Variants in ECT2L observed in about 807,000 individuals in gnomAD.
ECT2L encodes epithelial cell transforming 2 like.
A neutral mutation model predicts 122.8 loss-of-function variants in ECT2L; 126 were observed. That is an observed-to-expected ratio of 1.03 (90% CI 0.89 to 1.19). The LOEUF (loss-of-function observed/expected upper bound fraction) is 1.19, where lower values mean the gene tolerates loss of function less well. Ranked by LOEUF, ECT2L falls within the 50% of genes most tolerant of loss-of-function variation. ECT2L has a pLI of 0.00. For synonymous variants in ECT2L, 385 were observed against 381.8 expected, an observed-to-expected ratio of 1.01 and a Z score of -0.10; for missense variants, 1,012 against 1,064.1, an observed-to-expected ratio of 0.95 and a Z score of 0.68.
intron 1 of ECT2L, among the ~76,000 whole-genome samples, chr6:138,800,413 C>T (rs1329952159): frequency 6.6e-6 from 1 of 152,202 alleles, no homozygotes; most frequent in East Asian, 1.9e-4. Context: ...TTGAGCCTCT[C>T]TTGGTATATA....
rs1778867310 is a variant in ECT2L at position 138,887,442 on chromosome 6, A to G, written c.2325+520A>G. On this transcript the variant is annotated intron_variant, in intron 19 of 21. Transcript: ENST00000541398. ...GGGGTTTCACCGTGTTAGCCAGGAT[A>G]GTCTCGATCTCCTGACCTTGTGATC... is the stretch of plus-strand genomic sequence containing the variant. Among the ~76,000 whole-genome samples, 5 of 151,812 alleles carry G rather than the reference A, an allele frequency of 3.3e-5. No homozygotes were observed. In the South Asian group the frequency reaches 6.2e-4, roughly 19 times the overall value.
intron 20 of ECT2L, among the ~76,000 whole-genome samples, chr6:138,895,573 A>AT (rs1779179845): frequency 6.8e-6 from 1 of 146,056 alleles, no homozygotes; most frequent in Non-Finnish European, 1.5e-5. Flanking sequence ...ATATATATAT[A>AT]TATTTTTCTT....
intron 4 of ECT2L, among the ~76,000 whole-genome samples, chr6:138,818,482 T>C (rs768705090): frequency 4.6e-5 from 7 of 152,174 alleles, no homozygotes; most frequent in Non-Finnish European, 7.3e-5. Context: ...ATTTTAAATA[T>C]AGAGCAGCCA....
chr6:138,875,896 A>G (rs1426925677), intron 13 of ECT2L, among the ~76,000 whole-genome samples: 9 of 152,242 alleles, frequency 5.9e-5, no homozygotes, highest in African/African-American at 2.2e-4. Context: ...CAAGGCGGGC[A>G]GATTACCTGA....
chr6:138,885,442 CA>C, intron 16 of ECT2L, 63 bp from the exon 17 acceptor site: 1 of 1,508,518 alleles, frequency 6.6e-7, no homozygotes, highest in Non-Finnish European at 9.2e-7. Flanking sequence ...CATGCTTGCT[CA>C]GTGGAACAGT....
At chr6:138,859,695 G>C (rs1461923861) in intron 10 of ECT2L, among the ~76,000 whole-genome samples, 1 of 151,812 alleles carries the variant, frequency 6.6e-6, no homozygotes, top group Non-Finnish European at 1.5e-5. Context: ...AAACTAGGTT[G>C]TTTGTTTTCT....
chr6:138,817,980 C>T lies in ECT2L; in HGVS notation c.179+3377C>T, dbSNP rs189913313. Reference sequence around the variant, plus strand: ...TTAAAGGAAACTGGGCTGCTTGTGTCTGTTACACTCAGAGAAACCCGTGAG... The same window carrying T: ...TTAAAGGAAACTGGGCTGCTTGTGTTTGTTACACTCAGAGAAACCCGTGAG... On this transcript the variant is annotated intron_variant, in intron 4 of 21. Transcript: ENST00000541398. Among the ~76,000 whole-genome samples, 4 of 152,278 alleles carry T rather than the reference C, an allele frequency of 2.6e-5. No individual in the cohort carries two copies. The East Asian group carries it at 7.7e-4, about 29-fold the overall frequency.
chr6:138,881,366 C>T (rs1037306221), intron 15 of ECT2L, among the ~76,000 whole-genome samples, 195 bp downstream of exon 15: 4 of 151,910 alleles, frequency 2.6e-5, no homozygotes, highest in South Asian at 2.1e-4. Flanking sequence ...CCCCTTCCCC[C>T]GTTCATAGCC....
chr6:138,893,119 T>G (rs939300231), intron 20 of ECT2L, among the ~76,000 whole-genome samples: 1 of 152,126 alleles, frequency 6.6e-6, no homozygotes, highest in Non-Finnish European at 1.5e-5. Flanking sequence ...ATGATCAATT[T>G]TGAGTCTGTT....
chr6:138,890,003 A>G (rs544739584), intron 20 of ECT2L, among the ~76,000 whole-genome samples: 1 of 152,344 alleles, frequency 6.6e-6, no homozygotes, highest in East Asian at 1.9e-4. Context: ...CTATTCATAA[A>G]CAGTACAAGA....
rs1252320733 is a variant in ECT2L at position 138,824,577 on chromosome 6, AAAACAAAAAAAACAC to A, written c.179+9978_179+9992del. On this transcript the variant is annotated intron_variant, in intron 4 of 21. Transcript: ENST00000541398. ...AAACTATAAAAAAAAACAAAAAACA[AAAACAAAAAAAACAC>A]AAAACAGTGCTTAGATTACACTGTA... 1.1e-4 allele frequency among the ~76,000 whole-genome samples: 9 copies of A among 80,702 alleles called. No homozygotes were observed. The East Asian group carries it at 2.3e-3, about 21-fold the overall frequency. The allele number at this position is 80,702 out of a possible 152,430, so 52.9% of individuals were successfully genotyped here. A position where few individuals can be genotyped will look rare whatever the true frequency, so the allele number is the denominator to read the frequency against.
intron 4 of ECT2L, among the ~76,000 whole-genome samples, chr6:138,824,788 C>T (rs951863794): frequency 6.6e-6 from 1 of 152,144 alleles, no homozygotes; most frequent in Non-Finnish European, 1.5e-5. Context: ...CTCTAAAACT[C>T]CACTATCATC....
intron 5 of ECT2L, among the ~76,000 whole-genome samples, chr6:138,842,515 T>G (rs528534952): frequency 5.3e-4 from 80 of 150,986 alleles, no homozygotes; most frequent in African/African-American, 1.8e-3. Context: ...TTCACACCTG[T>G]AATCCCAGCA....
intron 4 of ECT2L, among the ~76,000 whole-genome samples, chr6:138,820,678 A>C (rs1776239535): frequency 6.6e-6 from 1 of 152,224 alleles, no homozygotes; most frequent in Admixed American, 6.5e-5. Flanking sequence ...GCAGTGAAAC[A>C]GATTCCTTTT....
At position 138,849,399 on chromosome 6, in the gene ECT2L, G is replaced by A. The variant is rs753035495; in HGVS notation, c.1034G>A (p.Ser345Asn). 1.2e-6 allele frequency: 2 copies of A among 1,613,712 alleles called. No homozygotes were observed. Among genetic ancestry groups the A allele is most frequent in the Non-Finnish European group, 1.7e-6 (2 of 1,179,968 alleles). Residue 345 changes from serine to asparagine, a missense_variant, in exon 9 of 22, where the codon AGC becomes AAC. Ser to Asn is a conservative substitution (Grantham distance 46, BLOSUM62 1). Transcript: ENST00000541398. ...GQKAQSIGIFSDGDSREINLL... is the reference protein window; with the variant it reads ...GQKAQSIGIFNDGDSREINLL... The stretch of plus-strand genomic sequence containing the variant: ...AAGGCACAGAGCATCGGAATATTTA[G>A]CGATGGAGACAGCAGAGAAATCAAT...
chr6:138,799,746 T>G (rs963816322), intron 1 of ECT2L, among the ~76,000 whole-genome samples: 1 of 152,310 alleles, frequency 6.6e-6, no homozygotes, highest in East Asian at 1.9e-4. Context: ...AGATGGGGCT[T>G]TGCCATATTG....
chr6:138,843,011 C>A lies in ECT2L; in HGVS notation c.375C>A (p.Phe125Leu). The change falls in exon 6 of 22, where the codon TTC becomes TTA. Residue 125 changes from phenylalanine (F) to leucine (L), a missense_variant. By Grantham distance (22) the Phe-to-Leu change is conservative. Coordinates refer to ENST00000541398, the MANE Select transcript of ECT2L (RefSeq NM_001077706.3). ...DCLWMPKCVK[F>L]GWFLPYTPTD... The stretch of plus-strand genomic sequence containing the variant: ...TATGGATGCCCAAATGCGTTAAGTT[C>A]GGATGGTTTCTGCCCTATACTCCAA... 1 of 1,566,818 alleles carries A rather than the reference C, an allele frequency of 6.4e-7. No individual in the cohort carries two copies.
At chr6:138,879,243 C>T (rs991969742) in intron 14 of ECT2L, 2 of 268,078 alleles carry the variant, frequency 7.5e-6, no homozygotes, top group Non-Finnish European at 1.5e-5. Context: ...TTAAATTGCA[C>T]CAAGGAACCA....
At position 138,868,137 on chromosome 6, in the gene ECT2L, C is replaced by G; in HGVS notation, c.1509C>G (p.Asn503Lys). ...QFMFDTMGMT[N>K]ILNNQDTAQA... ...TGTTTGACACCATGGGTATGACCAA[C>G]ATTCTAAACAACCAAGATACTGCGC... The change falls in exon 13 of 22, where the codon AAC (asparagine) becomes AAG (lysine). Residue 503 changes from asparagine (N) to lysine (K), a missense_variant. By Grantham distance (94) the Asn-to-Lys change is moderately conservative. Transcript: ENST00000541398. 6.2e-7 allele frequency: 1 copy of G among 1,612,770 alleles called. No individual in the cohort carries two copies. Among genetic ancestry groups the G allele is most frequent in the South Asian group, 1.1e-5 (1 of 90,818 alleles).
Sources: gnomAD v4.1 joint callset for allele counts (sites outside exome capture counted in the v4.1 genomes callset) on GRCh38, gnomAD v4.1.1 for gene constraint, MANE v1.5 for transcripts, NCBI Gene and HGNC (gene_info 2026-07-23, HGNC 2026-07-21) for gene names.